The following SPMAP2L variants were observed in gnomAD, a reference collection of about 807,000 sequenced individuals.
SPMAP2L encodes sperm microtubule associated protein 2-like.
the SPMAP2L span, among the ~76,000 whole-genome samples, chr4:56,558,036 T>G: frequency 6.6e-6 from 1 of 152,124 alleles, no homozygotes; most frequent in South Asian, 2.1e-4. Flanking sequence ...TAGTACGTTC[T>G]TGGCTGACTG....
the SPMAP2L span, among the ~76,000 whole-genome samples, chr4:56,585,728 C>A: frequency 6.6e-6 from 1 of 152,216 alleles, no homozygotes; most frequent in South Asian, 2.1e-4. Context: ...AATCCTACTG[C>A]ACTTATTTAT....
chr4:56,600,917 C>T, the SPMAP2L span: 8 of 1,527,030 alleles, frequency 5.2e-6, no homozygotes, highest in Non-Finnish European at 7.0e-6. Flanking sequence ...TTTTGTGTCT[C>T]TTTGTTTCCA....
chr4:56,544,775 C>G, the SPMAP2L span, among the ~76,000 whole-genome samples: 1 of 152,194 alleles, frequency 6.6e-6, no homozygotes, highest in African/African-American at 2.4e-5. Context: ...CCACCTGGCC[C>G]GAGGGCGGGA....
the SPMAP2L span, among the ~76,000 whole-genome samples, chr4:56,543,351 C>T: frequency 6.6e-6 from 1 of 151,952 alleles, no homozygotes; most frequent in African/African-American, 2.4e-5. Context: ...CCAAAGTGCT[C>T]GGATTACAGA....
the SPMAP2L span, chr4:56,592,995 A>C: frequency 1.2e-6 from 2 of 1,603,026 alleles, no homozygotes; most frequent in African/African-American, 1.3e-5. Flanking sequence ...CCTGTTTGTG[A>C]AAATGAAATC....
chr4:56,536,740 G>A, the SPMAP2L span, among the ~76,000 whole-genome samples: 5 of 152,120 alleles, frequency 3.3e-5, no homozygotes, highest in Non-Finnish European at 7.4e-5. Flanking sequence ...TTAGCTAGTA[G>A]TAGTAGTAGT....
chr4:56,589,821 T>A, the SPMAP2L span, among the ~76,000 whole-genome samples: 1 of 152,128 alleles, frequency 6.6e-6, no homozygotes. Context: ...CTCTGCTTGG[T>A]CACTGTTGGT....
the SPMAP2L span, among the ~76,000 whole-genome samples, chr4:56,621,765 C>A: frequency 1.3e-5 from 2 of 152,172 alleles, no homozygotes; most frequent in South Asian, 4.1e-4. Flanking sequence ...ATTCTCATTT[C>A]ATTTGCTGTA....
chr4:56,564,629 A>G, the SPMAP2L span, among the ~76,000 whole-genome samples: 1 of 150,540 alleles, frequency 6.6e-6, no homozygotes, highest in Non-Finnish European at 1.5e-5. Flanking sequence ...GGTTCCATTG[A>G]TTTTCTCCAT....
the SPMAP2L span, among the ~76,000 whole-genome samples, chr4:56,542,424 C>T: frequency 0.11 from 15,967 of 151,392 alleles, 944 homozygotes; most frequent in East Asian, 0.2. Flanking sequence ...TGTTCATAAA[C>T]TTCTGCTTGT....
chr4:56,550,178 A>G, the SPMAP2L span, among the ~76,000 whole-genome samples: 2 of 152,128 alleles, frequency 1.3e-5, no homozygotes, highest in Non-Finnish European at 2.9e-5. Flanking sequence ...TTGTAGAGAT[A>G]GATCTCACTA....
the SPMAP2L span, among the ~76,000 whole-genome samples, chr4:56,568,087 C>T: frequency 6.6e-6 from 1 of 151,952 alleles, no homozygotes; most frequent in African/African-American, 2.4e-5. Flanking sequence ...TTTGTCTCAC[C>T]CAGAGTATTT....
At chr4:56,571,516 C>T in the SPMAP2L span, among the ~76,000 whole-genome samples, 1 of 151,856 alleles carries the variant, frequency 6.6e-6, no homozygotes, top group Non-Finnish European at 1.5e-5. Flanking sequence ...AGGGCTTTGC[C>T]ACGTTGCCCA....
At chr4:56,598,905 T>C in the SPMAP2L span, among the ~76,000 whole-genome samples, 2 of 152,066 alleles carry the variant, frequency 1.3e-5, no homozygotes, top group South Asian at 4.2e-4. Flanking sequence ...CTCCTGATAG[T>C]TAGTGAGTTC....
chr4:56,605,804 C>T, the SPMAP2L span, among the ~76,000 whole-genome samples: 1 of 152,256 alleles, frequency 6.6e-6, no homozygotes, highest in Admixed American at 6.5e-5. Context: ...GGAATTTTCT[C>T]CAAGAGATAA....
At chr4:56,573,363 A>T in the SPMAP2L span, among the ~76,000 whole-genome samples, 2 of 152,286 alleles carry the variant, frequency 1.3e-5, no homozygotes, top group Admixed American at 1.3e-4. Flanking sequence ...TGGTCAGTAC[A>T]GATTTTCCTG....
the SPMAP2L span, chr4:56,594,046 T>C: frequency 6.2e-7 from 1 of 1,611,428 alleles, no homozygotes; most frequent in South Asian, 1.1e-5. Flanking sequence ...TTCGGCTTTT[T>C]GAGGATGGCA....
the SPMAP2L span, among the ~76,000 whole-genome samples, chr4:56,577,704 C>G: frequency 9.7e-4 from 148 of 152,180 alleles, 2 homozygotes; most frequent in African/African-American, 3.5e-3. Context: ...CCTAGATAAG[C>G]AAAAATTGAG....
At chr4:56,565,278 C>T in the SPMAP2L span, among the ~76,000 whole-genome samples, 3 of 152,130 alleles carry the variant, frequency 2.0e-5, no homozygotes, top group African/African-American at 7.2e-5. Context: ...AAATTTCTGA[C>T]CATAATTGTG....
Sources: allele counts gnomAD v4.1 joint callset (sites outside exome capture counted in the v4.1 genomes callset), GRCh38; gene constraint gnomAD v4.1.1; transcripts MANE v1.5; gene names NCBI Gene and HGNC (gene_info 2026-07-23, HGNC 2026-07-21).